MPPED2: variants seen among roughly 807,000 people sequenced by gnomAD.
MPPED2 encodes the protein metallophosphoesterase domain containing 2, also known as metallophosphoesterase MPPED2.
MPPED2 carries 5 observed loss-of-function variants against 33.0 expected under a neutral mutation model. The observed-to-expected ratio is 0.15, with a 90% confidence interval of 0.08 to 0.32. MPPED2 has a LOEUF of 0.32. MPPED2 is among the 10% of genes least tolerant of loss of function. The probability of loss-of-function intolerance (pLI) is 1.00; values close to 1 mark genes in which losing one functional copy is unlikely to be tolerated. For missense variants in MPPED2, 275 were observed against 372.1 expected (o/e 0.74, Z 2.15); for synonymous variants, 136 against 141.9 (o/e 0.96, Z 0.29).
intron 4 of MPPED2, among the ~76,000 whole-genome samples, chr11:30,466,525 G>A (rs899149854): frequency 6.6e-6 from 1 of 152,178 alleles, no homozygotes; most frequent in East Asian, 1.9e-4. Flanking sequence ...TTCAGGGATC[G>A]CTGGACCCTA....
intron 4 of MPPED2, among the ~76,000 whole-genome samples, chr11:30,455,361 A>G (rs1247847165): frequency 6.6e-6 from 1 of 152,222 alleles, no homozygotes; most frequent in South Asian, 2.1e-4. Flanking sequence ...TGACCCTGTC[A>G]AAAGGCCAGT....
intron 3 of MPPED2, among the ~76,000 whole-genome samples, chr11:30,509,573 G>A (rs926159161): frequency 1.3e-5 from 2 of 152,118 alleles, no homozygotes; most frequent in African/African-American, 4.8e-5. Flanking sequence ...CTTTATAAAT[G>A]AGCCTACTGC....
intron 4 of MPPED2, among the ~76,000 whole-genome samples, chr11:30,476,483 C>T (rs571215183): frequency 1.3e-5 from 2 of 152,018 alleles, no homozygotes; most frequent in South Asian, 4.1e-4. Flanking sequence ...ATTTATCTGT[C>T]CAGGTACCAT....
chr11:30,542,510 G>A (rs1288788975), intron 2 of MPPED2, among the ~76,000 whole-genome samples: 3 of 144,854 alleles, frequency 2.1e-5, no homozygotes, highest in Non-Finnish European at 3.0e-5. Context: ...CATGCTTATA[G>A]TTCCAGCTAC....
intron 4 of MPPED2, among the ~76,000 whole-genome samples, chr11:30,452,350 A>T (rs925048699): frequency 1.3e-5 from 2 of 152,118 alleles, no homozygotes; most frequent in African/African-American, 4.8e-5. Flanking sequence ...CTTAAACACG[A>T]TCGTGTCTGT....
intron 2 of MPPED2, among the ~76,000 whole-genome samples, chr11:30,546,742 A>G (rs1955444916): frequency 1.3e-5 from 2 of 152,328 alleles, no homozygotes; most frequent in Admixed American, 6.5e-5. Flanking sequence ...TTTTTACTAC[A>G]TAGGGGACAT....
intron 3 of MPPED2, among the ~76,000 whole-genome samples, chr11:30,518,608 T>G (rs1448370493): frequency 2.0e-5 from 3 of 152,234 alleles, no homozygotes; most frequent in African/African-American, 7.2e-5. Flanking sequence ...GACCAAAGCA[T>G]GCACATCTTA....
intron 2 of MPPED2, among the ~76,000 whole-genome samples, chr11:30,574,431 C>T (rs374400265): frequency 3.0e-4 from 45 of 152,220 alleles, no homozygotes; most frequent in African/African-American, 1.1e-3. Flanking sequence ...TGTAAATATA[C>T]TCTATGATGT....
At chr11:30,515,058 G>A (rs12797142) in intron 3 of MPPED2, among the ~76,000 whole-genome samples, 26,589 of 152,150 alleles carry the variant, frequency 0.17, 2,907 homozygotes, top group Non-Finnish European at 0.24. Flanking sequence ...TTGCACCACT[G>A]CACTCCAGCC....
chr11:30,470,332 T>C (rs1402949755), intron 4 of MPPED2, among the ~76,000 whole-genome samples: 3 of 152,102 alleles, frequency 2.0e-5, no homozygotes, highest in Admixed American at 6.5e-5. Flanking sequence ...ATATAAATTA[T>C]AGTTAGATGG....
At chr11:30,427,374 T>C (rs1435086968) in intron 4 of MPPED2, among the ~76,000 whole-genome samples, 4 of 152,246 alleles carry the variant, frequency 2.6e-5, no homozygotes, top group Non-Finnish European at 5.9e-5. Context: ...TTCTTTTGTA[T>C]GCTATTTAAT....
intron 2 of MPPED2, among the ~76,000 whole-genome samples, chr11:30,567,384 T>G (rs981866226): frequency 6.6e-6 from 1 of 152,314 alleles, no homozygotes; most frequent in South Asian, 2.1e-4. Context: ...GAGTTTCATG[T>G]TTCAGATGTG....
At chr11:30,528,152 CAT>C (rs1554991704) in intron 3 of MPPED2, among the ~76,000 whole-genome samples, 3 of 152,176 alleles carry the variant, frequency 2.0e-5, no homozygotes, top group East Asian at 3.9e-4. Context: ...CACACACACA[CAT>C]GCACATCTAC....
chr11:30,440,378 T>G (rs2133893260), intron 4 of MPPED2, among the ~76,000 whole-genome samples: 1 of 152,218 alleles, frequency 6.6e-6, no homozygotes, highest in East Asian at 1.9e-4. Flanking sequence ...CCTATTCATT[T>G]GCATATCATC....
At chr11:30,439,628 G>A (rs925337673) in intron 4 of MPPED2, among the ~76,000 whole-genome samples, 3 of 152,194 alleles carry the variant, frequency 2.0e-5, no homozygotes, top group Non-Finnish European at 4.4e-5. Context: ...TAGTACAGAA[G>A]TGGCAGTGGA....
intron 6 of MPPED2, among the ~76,000 whole-genome samples, chr11:30,398,875 C>T (rs909529985): frequency 6.6e-6 from 1 of 151,962 alleles, no homozygotes; most frequent in African/African-American, 2.4e-5. Flanking sequence ...TTCAGTTGGG[C>T]CCAGGTTAAT....
At chr11:30,521,731 A>T (rs922058139) in intron 3 of MPPED2, among the ~76,000 whole-genome samples, 1 of 152,236 alleles carries the variant, frequency 6.6e-6, no homozygotes, top group African/African-American at 2.4e-5. Context: ...TGAAACAAAT[A>T]TAACATCAGT....
At chr11:30,426,479 C>T (rs1474323737) in intron 4 of MPPED2, among the ~76,000 whole-genome samples, 1 of 152,164 alleles carries the variant, frequency 6.6e-6, no homozygotes, top group Admixed American at 6.5e-5. Flanking sequence ...AAGTCCCAGT[C>T]CCTTTCTTTG....
intron 6 of MPPED2, among the ~76,000 whole-genome samples, chr11:30,401,891 G>A (rs1947914271): frequency 6.7e-6 from 1 of 148,510 alleles, no homozygotes; most frequent in Admixed American, 6.8e-5. Flanking sequence ...TAGAGACAGG[G>A]TTTCACCGTG....
Sources: allele counts gnomAD v4.1 joint callset (sites outside exome capture counted in the v4.1 genomes callset), GRCh38; gene constraint gnomAD v4.1.1; transcripts MANE v1.5; gene names NCBI Gene and HGNC (gene_info 2026-07-23, HGNC 2026-07-21).